UNC5C: variants seen among roughly 807,000 people sequenced by gnomAD.
UNC5C encodes the protein netrin receptor UNC5C.
Under a neutral mutation model 99.8 loss-of-function variants are expected in UNC5C, and 47 were observed. The ratio of observed to expected loss-of-function variants is 0.47; its 90% CI spans 0.37 to 0.60. The LOEUF (loss-of-function observed/expected upper bound fraction) is 0.60, where lower values mean the gene tolerates loss of function less well. Among genes scored for constraint, UNC5C ranks in the 20% least tolerant of loss-of-function variants. The probability of loss-of-function intolerance (pLI) is 0.00; values close to 1 mark genes in which losing one functional copy is unlikely to be tolerated. For synonymous variants in UNC5C, 487 were observed against 452.2 expected, an observed-to-expected ratio of 1.08 and a Z score of -0.98; for missense variants, 1,062 against 1,165.9, an observed-to-expected ratio of 0.91 and a Z score of 1.30.
At chr4:95,268,225 C>T (rs1188564810) in intron 4 of UNC5C, among the ~76,000 whole-genome samples, 1 of 152,144 alleles carries the variant, frequency 6.6e-6, no homozygotes, top group Non-Finnish European at 1.5e-5. Context: ...AGGCGTGAGC[C>T]ACCGCGCCCG....
At chr4:95,247,328 T>G (rs770135847) in intron 5 of UNC5C, among the ~76,000 whole-genome samples, 1 of 152,054 alleles carries the variant, frequency 6.6e-6, no homozygotes, top group African/African-American at 2.4e-5. Context: ...TAGGAGTTAA[T>G]GTAAAGGACA....
chr4:95,192,835 G>A (rs956557861), intron 12 of UNC5C, among the ~76,000 whole-genome samples: 1 of 152,108 alleles, frequency 6.6e-6, no homozygotes, highest in East Asian at 1.9e-4. Context: ...CATGTGTTAT[G>A]CCTTCCAGTT....
intron 7 of UNC5C, among the ~76,000 whole-genome samples, 187 bp downstream of exon 7, chr4:95,242,242 G>C (rs1739350302): frequency 6.6e-6 from 1 of 152,172 alleles, no homozygotes; most frequent in Non-Finnish European, 1.5e-5. Context: ...GCCGGACATA[G>C]TTACTTTTTA....
intron 1 of UNC5C, among the ~76,000 whole-genome samples, chr4:95,515,992 A>G (rs577866877): frequency 5.9e-5 from 9 of 152,342 alleles, no homozygotes; most frequent in African/African-American, 2.2e-4. Context: ...AATATATTAA[A>G]TTTCATATAA....
At chr4:95,423,173 A>G (rs1022022344) in intron 1 of UNC5C, among the ~76,000 whole-genome samples, 1 of 152,128 alleles carries the variant, frequency 6.6e-6, no homozygotes, top group African/African-American at 2.4e-5. Context: ...TGCTAGAGAG[A>G]ATTTCCTGAG....
chr4:95,361,898 T>C (rs1398848365), intron 1 of UNC5C, among the ~76,000 whole-genome samples: 1 of 152,126 alleles, frequency 6.6e-6, no homozygotes, highest in African/African-American at 2.4e-5. Flanking sequence ...CTCCTTCTTG[T>C]TCTTCAGTGT....
chr4:95,421,406 G>C (rs1746315684), intron 1 of UNC5C, among the ~76,000 whole-genome samples: 1 of 151,992 alleles, frequency 6.6e-6, no homozygotes, highest in Admixed American at 6.6e-5. Flanking sequence ...AACAAAATTG[G>C]AAAAGTAAAA....
chr4:95,431,707 G>A (rs566024269), intron 1 of UNC5C, among the ~76,000 whole-genome samples: 155 of 152,128 alleles, frequency 1.0e-3, no homozygotes, highest in Non-Finnish European at 1.9e-3. Context: ...ATAGAGTAAT[G>A]GCTCTGCTAA....
intron 3 of UNC5C, among the ~76,000 whole-genome samples, chr4:95,294,489 A>G (rs1336895926): frequency 6.6e-6 from 1 of 152,164 alleles, no homozygotes; most frequent in African/African-American, 2.4e-5. Context: ...GGAAATCCGG[A>G]GGAGCCATCC....
intron 1 of UNC5C, among the ~76,000 whole-genome samples, chr4:95,437,093 C>G (rs1216194121): frequency 6.6e-6 from 1 of 150,784 alleles, no homozygotes; most frequent in East Asian, 1.9e-4. Context: ...AAATCCAAAC[C>G]AATTAAGCAA....
At chr4:95,544,293 T>C (rs1182569080) in intron 1 of UNC5C, among the ~76,000 whole-genome samples, 5 of 152,198 alleles carry the variant, frequency 3.3e-5, no homozygotes, top group Non-Finnish European at 7.4e-5. Context: ...GCTCTTAGCC[T>C]GTGCCTCCCC....
At chr4:95,175,310 C>T (rs955350947) in intron 14 of UNC5C, among the ~76,000 whole-genome samples, 8 of 151,076 alleles carry the variant, frequency 5.3e-5, no homozygotes, top group South Asian at 2.1e-4. Context: ...TTATTTTGCT[C>T]GTTAGTTGAT....
Position 95,162,818 on chromosome 4 carries a change from C to G in UNC5C, c.*6416G>C, listed in dbSNP as rs978554539. 1.3e-5 allele frequency: 2 copies of G among 152,138 alleles called. No individual in the cohort carries two copies. The highest frequency in any genetic ancestry group is 4.8e-5 in the African/African-American group (2 of 41,506). The allele number at this position is 152,138 out of a possible 1,614,324, so 9.4% of individuals were successfully genotyped here. On this transcript the variant is annotated 3_prime_UTR_variant, in exon 16 of 16. Coordinates refer to ENST00000453304, the MANE Select transcript of UNC5C (RefSeq NM_003728.4). ...CAAAAGTGTTCCATATCGGAAAAGC[C>G]AAGGTTGTCATGTTTTGTTTAAAAA...
intron 1 of UNC5C, among the ~76,000 whole-genome samples, chr4:95,519,950 T>G (rs866698113): frequency 6.6e-6 from 1 of 152,222 alleles, no homozygotes; most frequent in Non-Finnish European, 1.5e-5. Context: ...AACCCAGACA[T>G]TCAGTGCCTG....
At chr4:95,347,922 G>T (rs1414652224) in intron 1 of UNC5C, among the ~76,000 whole-genome samples, 1 of 151,948 alleles carries the variant, frequency 6.6e-6, no homozygotes, top group Admixed American at 6.6e-5. Flanking sequence ...TTCACATCAG[G>T]TTGAAAAGCT....
intron 3 of UNC5C, among the ~76,000 whole-genome samples, chr4:95,283,210 T>G (rs148918889): frequency 6.6e-6 from 1 of 152,228 alleles, no homozygotes; most frequent in East Asian, 1.9e-4. Flanking sequence ...GCACATTTTA[T>G]GTAGGCCCTT....
In UNC5C at chr4:95,266,867, G is replaced by A. The variant is rs949580787; in HGVS notation, c.594+11392C>T. Among the ~76,000 whole-genome samples, 10 of 152,170 alleles carry A rather than the reference G, an allele frequency of 6.6e-5. 1 individual carries two copies. The highest frequency in any genetic ancestry group is 1.9e-4 in the African/African-American group (8 of 41,520). ...CCAGTGGATTATCCATTTATAGCTG[G>A]TCACTAAATATGGGATAAGTTATAA... On this transcript the variant is annotated intron_variant, in intron 4 of 15. Coordinates refer to ENST00000453304, the MANE Select transcript of UNC5C (RefSeq NM_003728.4).
At chr4:95,456,400 T>C (rs1298978175) in intron 1 of UNC5C, among the ~76,000 whole-genome samples, 1 of 152,096 alleles carries the variant, frequency 6.6e-6, no homozygotes, top group Non-Finnish European at 1.5e-5. Flanking sequence ...GTGATGGAAA[T>C]AGACTAACTT....
intron 1 of UNC5C, among the ~76,000 whole-genome samples, chr4:95,491,995 A>C (rs1009119097): frequency 2.0e-5 from 3 of 151,534 alleles, no homozygotes; most frequent in Middle Eastern, 3.2e-3. Context: ...GTGGTGTGTT[A>C]GTTATCTAAT....
Sources: allele counts gnomAD v4.1 joint callset (sites outside exome capture counted in the v4.1 genomes callset), GRCh38; gene constraint gnomAD v4.1.1; transcripts MANE v1.5; gene names NCBI Gene and HGNC (gene_info 2026-07-23, HGNC 2026-07-21).